PAPPA2: variants seen among roughly 807,000 people sequenced by gnomAD.
The protein encoded by PAPPA2 is pappalysin 2, also known as pappalysin-2.
In PAPPA2, 86 loss-of-function variants were observed where a neutral mutation model predicts 176.4. The ratio of observed to expected loss-of-function variants is 0.49; its 90% CI spans 0.41 to 0.58. The LOEUF (loss-of-function observed/expected upper bound fraction) is 0.58. PAPPA2 is among the 20% of genes least tolerant of loss of function. PAPPA2 has a pLI of 0.00. For missense variants in PAPPA2, 2,073 were observed against 2,256.9 expected, an observed-to-expected ratio of 0.92 and a Z score of 1.65; for synonymous variants, 809 against 852.2, an observed-to-expected ratio of 0.95 and a Z score of 0.88.
chr1:176,595,401 G>C lies in PAPPA2; in HGVS notation c.1797G>C (p.Glu599Asp), dbSNP rs1397132012. ...TTGGCAATGACCATTGTGACCCCGA[G>C]TGTGAGCACCCACTCACAGGCTATG... ...SKIGNDHCDP[E>D]CEHPLTGYDG... is the part of the protein sequence containing the mutation. Residue 599 changes from glutamate (E) to aspartate (D), a missense_variant, in exon 3 of 23, where the codon GAG becomes GAC. Coordinates refer to ENST00000367662, the MANE Select transcript of PAPPA2 (RefSeq NM_020318.3). 4 of 1,614,186 alleles carry C rather than the reference G, an allele frequency of 2.5e-6. No homozygotes were observed. Among genetic ancestry groups the C allele is most frequent in the Non-Finnish European group, 3.4e-6 (4 of 1,180,026 alleles).
rs746285234 is a variant in PAPPA2 at position 176,840,290 on chromosome 1, G to A, written c.5301+19G>A. 1 of 1,583,934 alleles carries A rather than the reference G, an allele frequency of 6.3e-7. No homozygotes were observed. Among genetic ancestry groups the A allele is most frequent in the East Asian group, 2.2e-5 (1 of 44,738 alleles). On this transcript the variant is annotated intron_variant, in intron 22 of 22. Transcript: ENST00000367662. ...CAAGAAGGTGAGTGAGAGAACCTGGGGATGGGGGAGGCAGTGGCTTCAGGA... is the reference window on the plus strand; with the variant it reads ...CAAGAAGGTGAGTGAGAGAACCTGGAGATGGGGGAGGCAGTGGCTTCAGGA...
At chr1:176,794,550 TGCAC>T (rs1164431353) in intron 20 of PAPPA2, among the ~76,000 whole-genome samples, 1 of 152,180 alleles carries the variant, frequency 6.6e-6, no homozygotes, top group Non-Finnish European at 1.5e-5. Context: ...TGTATATGTG[TGCAC>T]GTGTGTGTAT....
chr1:176,728,731 A>G (rs1661995179), intron 12 of PAPPA2, among the ~76,000 whole-genome samples: 1 of 151,976 alleles, frequency 6.6e-6, no homozygotes, highest in Admixed American at 6.6e-5. Flanking sequence ...ATATTAAAAT[A>G]CATCATAAAA....
chr1:176,640,180 A>AATAT (rs1656986940), intron 3 of PAPPA2, among the ~76,000 whole-genome samples: 4 of 148,748 alleles, frequency 2.7e-5, no homozygotes, highest in Admixed American at 2.7e-4. Flanking sequence ...TTTTATTTTT[A>AATAT]TTATTTATTT....
intron 17 of PAPPA2, among the ~76,000 whole-genome samples, chr1:176,789,293 A>G (rs1170628491): frequency 1.3e-5 from 2 of 152,168 alleles, no homozygotes; most frequent in Non-Finnish European, 2.9e-5. Context: ...TCAGCAAACT[A>G]TCGCAAGGAC....
intron 2 of PAPPA2, among the ~76,000 whole-genome samples, chr1:176,578,883 G>A (rs1652802522): frequency 1.3e-5 from 2 of 152,206 alleles, no homozygotes; most frequent in South Asian, 4.1e-4. Context: ...GTATGAGATG[G>A]CGCCTTTCCC....
At chr1:176,565,712 C>T (rs1051704515) in intron 2 of PAPPA2, among the ~76,000 whole-genome samples, 1 of 152,160 alleles carries the variant, frequency 6.6e-6, no homozygotes, top group African/African-American at 2.4e-5. Flanking sequence ...ATAAAATGGG[C>T]TTCTGCGACA....
intron 1 of PAPPA2, among the ~76,000 whole-genome samples, chr1:176,535,533 G>A (rs1240262530): frequency 6.6e-6 from 1 of 152,168 alleles, no homozygotes; most frequent in African/African-American, 2.4e-5. Context: ...CATGAGAGAT[G>A]TGGGGGCCAG....
intron 17 of PAPPA2, 84 bp from the exon 18 acceptor site, chr1:176,789,725 C>T (rs1665090018): frequency 2.0e-6 from 3 of 1,467,470 alleles, no homozygotes; most frequent in East Asian, 2.5e-5. Flanking sequence ...TTTGCTAATT[C>T]TTATGCCATA....
Position 176,556,552 on chromosome 1 carries a change from A to T in PAPPA2, c.230A>T (p.Asn77Ile). Residue 77 changes from asparagine to isoleucine, a missense_variant, in exon 2 of 23, where the codon AAC becomes ATC. By Grantham distance (149) the Asn-to-Ile change is moderately radical. Transcript: ENST00000367662. ...LFGVYPSRAG[N>I]YLRPYPVGEQ... Reference sequence around the variant, plus strand: ...GGAGTCTACCCCAGCAGGGCTGGGAACTACCTAAGGCCCTACCCCGTGGGG... The same window carrying T: ...GGAGTCTACCCCAGCAGGGCTGGGATCTACCTAAGGCCCTACCCCGTGGGG... 6.2e-7 allele frequency: 1 copy of T among 1,614,210 alleles called. No individual in the cohort carries two copies. Among genetic ancestry groups the T allele is most frequent in the South Asian group, 1.1e-5 (1 of 91,090 alleles).
intron 21 of PAPPA2, among the ~76,000 whole-genome samples, chr1:176,828,098 T>A (rs138051794): frequency 0.02 from 3,038 of 152,136 alleles, 46 homozygotes; most frequent in Non-Finnish European, 0.029. Context: ...CATGAGCATA[T>A]CAGGATGGTC....
chr1:176,728,565 A>C (rs1329917585), intron 12 of PAPPA2, among the ~76,000 whole-genome samples: 1 of 151,962 alleles, frequency 6.6e-6, no homozygotes, highest in Non-Finnish European at 1.5e-5. Context: ...AGAAAGACTC[A>C]ATATCATACG....
At chr1:176,716,061 C>G (rs1227535906) in intron 12 of PAPPA2, among the ~76,000 whole-genome samples, 1 of 151,322 alleles carries the variant, frequency 6.6e-6, no homozygotes. Context: ...ACAAACTACC[C>G]GATAACACAA....
chr1:176,731,746 CA>C (rs1311588678), intron 12 of PAPPA2, among the ~76,000 whole-genome samples: 1 of 148,994 alleles, frequency 6.7e-6, no homozygotes, highest in African/African-American at 2.6e-5. Flanking sequence ...TACATGCGTA[CA>C]TATATATACG....
At chr1:176,728,198 C>A (rs958712490) in intron 12 of PAPPA2, among the ~76,000 whole-genome samples, 1 of 151,728 alleles carries the variant, frequency 6.6e-6, no homozygotes, top group African/African-American at 2.4e-5. Flanking sequence ...ATTTTACTTT[C>A]TCTGGAAATA....
intron 1 of PAPPA2, among the ~76,000 whole-genome samples, chr1:176,523,229 T>C (rs1288979278): frequency 6.6e-6 from 1 of 152,150 alleles, no homozygotes; most frequent in Non-Finnish European, 1.5e-5. Flanking sequence ...ACTGCTGCTA[T>C]ATCTGATACC....
At chr1:176,795,723 A>G (rs1011771705) in intron 20 of PAPPA2, among the ~76,000 whole-genome samples, 2 of 152,220 alleles carry the variant, frequency 1.3e-5, no homozygotes, top group African/African-American at 4.8e-5. Context: ...TCCACAGACT[A>G]AACAGCACTA....
At chr1:176,717,964 T>C (rs1661451022) in intron 12 of PAPPA2, among the ~76,000 whole-genome samples, 1 of 152,188 alleles carries the variant, frequency 6.6e-6, no homozygotes, top group Admixed American at 6.5e-5. Flanking sequence ...TAAATAAGTT[T>C]CTTAAATAAG....
intron 3 of PAPPA2, among the ~76,000 whole-genome samples, chr1:176,606,057 A>G (rs1304118821): frequency 1.3e-5 from 2 of 151,588 alleles, no homozygotes; most frequent in Non-Finnish European, 2.9e-5. Flanking sequence ...AAAATTATAT[A>G]TAATATTTTA....
Sources: gnomAD v4.1 joint callset for allele counts (sites outside exome capture counted in the v4.1 genomes callset) on GRCh38, gnomAD v4.1.1 for gene constraint, MANE v1.5 for transcripts, NCBI Gene and HGNC (gene_info 2026-07-23, HGNC 2026-07-21) for gene names.